Variants in CDH8 observed in about 807,000 individuals in gnomAD.
The protein encoded by CDH8 is cadherin 8.
CDH8 carries 17 observed loss-of-function variants against 68.1 expected under a neutral mutation model. The observed-to-expected ratio is 0.25, with a 90% CI of 0.17 to 0.37. CDH8 has a LOEUF of 0.37. CDH8 is among the 10% of genes least tolerant of loss of function. CDH8 has a pLI of 1.00. For missense variants in CDH8, 763 were observed against 999.3 expected (o/e 0.76, Z 3.19); for synonymous variants, 372 against 365.1 (o/e 1.02, Z -0.21).
At chr16:61,846,610 C>T (rs909851817) in intron 4 of CDH8, among the ~76,000 whole-genome samples, 18 of 152,086 alleles carry the variant, frequency 1.2e-4, no homozygotes, top group African/African-American at 4.1e-4. Context: ...GTCAGAAAAC[C>T]GAGCTCTGGA....
At chr16:61,842,362 G>T (rs1174530173) in intron 4 of CDH8, among the ~76,000 whole-genome samples, 3 of 152,008 alleles carry the variant, frequency 2.0e-5, no homozygotes, top group African/African-American at 7.2e-5. Context: ...CACAGGAATT[G>T]GTTGTTTATA....
chr16:61,996,538 A>G (rs746188583), intron 2 of CDH8, among the ~76,000 whole-genome samples: 3 of 152,194 alleles, frequency 2.0e-5, no homozygotes, highest in Non-Finnish European at 2.9e-5. Context: ...CCATAAAGCT[A>G]CGGCAGCTTT....
chr16:61,851,167 G>T (rs1962929838), intron 4 of CDH8, among the ~76,000 whole-genome samples: 1 of 151,920 alleles, frequency 6.6e-6, no homozygotes, highest in Admixed American at 6.6e-5. Context: ...GGCATAAAAA[G>T]GACTCAATTC....
At chr16:61,722,196 G>A (rs552019759) in intron 9 of CDH8, among the ~76,000 whole-genome samples, 1 of 150,640 alleles carries the variant, frequency 6.6e-6, no homozygotes, top group Non-Finnish European at 1.5e-5. Flanking sequence ...GTCCATTCAG[G>A]ATATTTGCAC....
rs1405250382 is a variant in CDH8, at chr16:62,021,293, A to C, written c.111T>G (p.Val37=). The change falls in exon 2 of 12, where the codon GTT becomes GTG. Residue 37 remains valine (V), a synonymous_variant. Transcript: ENST00000577390. ...GTTCCAAAGGGGATCCACTCATTAAAACTTGAGACTGATTCATCGGAGCCA... is the reference window on the plus strand; with the variant it reads ...GTTCCAAAGGGGATCCACTCATTAACACTTGAGACTGATTCATCGGAGCCA... ...IYMAPMNQSQ[V]LMSGSPLELN... is the part of the protein sequence containing the mutation. 3 of 1,613,934 alleles carry C rather than the reference A, an allele frequency of 1.9e-6. No homozygotes were observed. The highest frequency in any genetic ancestry group is 2.5e-6 in the Non-Finnish European group (3 of 1,179,954).
chr16:61,714,099 T>A lies in CDH8; in HGVS notation c.1537-141A>T, dbSNP rs1348596915. ...CAGCTTTCTAAATTGTCATGGATGG[T>A]TTGTGCCAAGAATAAGGAGAAAAAT... is the stretch of plus-strand genomic sequence containing the variant. On this transcript the variant is annotated intron_variant, in intron 9 of 11. Coordinates refer to ENST00000577390, the MANE Select transcript of CDH8 (RefSeq NM_001796.5). 3 of 683,340 alleles carry A rather than the reference T, an allele frequency of 4.4e-6. No individual in the cohort carries two copies. In the South Asian group the frequency reaches 4.9e-5, roughly 11 times the overall value. 42.3% of individuals were successfully genotyped at this position (683,340 alleles called of 1,614,324 possible).
chr16:61,702,367 G>A (rs1009448777), intron 10 of CDH8, among the ~76,000 whole-genome samples: 20 of 148,340 alleles, frequency 1.3e-4, no homozygotes, highest in African/African-American at 3.0e-4. Context: ...GCGAGACTCC[G>A]TCTCAAAAAA....
At chr16:61,887,333 T>C (rs987632467) in intron 3 of CDH8, among the ~76,000 whole-genome samples, 1 of 152,202 alleles carries the variant, frequency 6.6e-6, no homozygotes, top group African/African-American at 2.4e-5. Context: ...TTATTCTTTA[T>C]AGCAGTGTGA....
chr16:61,653,682 G>C lies in CDH8; in HGVS notation c.2326C>G (p.Leu776Val). The C allele has an allele frequency of 6.2e-7, 1 of 1,614,190 alleles. No individual in the cohort carries two copies. ...TTAAAGCGGGGACCCCAGTCACTGA[G>C]GTAGTCAAAATTCTGGTCTGAGTCT... ...TSDSDQNFDY[L>V]SDWGPRFKRL... The change falls in exon 12 of 12, where the codon CTC (leucine) becomes GTC (valine). Residue 776 changes from leucine to valine, a missense_variant. By Grantham distance (32) the Leu-to-Val change is conservative. This residue lies in a region of CDH8 where 397 missense variants were observed against 436.2 expected (regional missense o/e 0.91). Coordinates refer to ENST00000577390, the MANE Select transcript of CDH8 (RefSeq NM_001796.5).
At chr16:61,729,243 T>A (rs770752974) in intron 8 of CDH8, among the ~76,000 whole-genome samples, 18 of 150,618 alleles carry the variant, frequency 1.2e-4, no homozygotes, top group Non-Finnish European at 2.5e-4. Context: ...ATTTTCATAG[T>A]ATAATACTGA....
chr16:61,910,883 G>C (rs1964149546), intron 2 of CDH8, among the ~76,000 whole-genome samples: 1 of 152,030 alleles, frequency 6.6e-6, no homozygotes, highest in African/African-American at 2.4e-5. Flanking sequence ...TAAATTATCT[G>C]GATACAATCT....
intron 4 of CDH8, among the ~76,000 whole-genome samples, chr16:61,849,144 C>G (rs1962884931): frequency 6.6e-6 from 1 of 152,038 alleles, no homozygotes; most frequent in African/African-American, 2.4e-5. Context: ...AGGCAAGTGT[C>G]TTTCTCCATA....
chr16:61,935,064 T>C (rs934602670), intron 2 of CDH8, among the ~76,000 whole-genome samples: 3 of 152,164 alleles, frequency 2.0e-5, no homozygotes, highest in African/African-American at 7.2e-5. Flanking sequence ...ATGAGGCCTT[T>C]ATATAAGAGA....
intron 9 of CDH8, among the ~76,000 whole-genome samples, chr16:61,722,250 T>C (rs1005870940): frequency 6.6e-6 from 1 of 150,764 alleles, no homozygotes; most frequent in Non-Finnish European, 1.5e-5. Context: ...TGCCCAGCTC[T>C]TTCTCATTTT....
At chr16:61,777,590 T>C (rs1041554769) in intron 8 of CDH8, among the ~76,000 whole-genome samples, 5 of 152,116 alleles carry the variant, frequency 3.3e-5, no homozygotes, top group African/African-American at 1.2e-4. Context: ...GTGTTCTTTC[T>C]TAGACTGGAA....
intron 2 of CDH8, among the ~76,000 whole-genome samples, chr16:61,951,356 A>C (rs956499555): frequency 1.3e-5 from 2 of 151,594 alleles, no homozygotes; most frequent in African/African-American, 4.8e-5. Context: ...CTAAAAATAC[A>C]AAAAAAATTA....
At chr16:61,718,931 A>T (rs939903404) in intron 9 of CDH8, among the ~76,000 whole-genome samples, 20 of 151,168 alleles carry the variant, frequency 1.3e-4, no homozygotes, top group Middle Eastern at 3.4e-3. Flanking sequence ...AGGGGGGAAT[A>T]TAGGTAAATA....
At chr16:61,992,341 A>G (rs977455154) in intron 2 of CDH8, among the ~76,000 whole-genome samples, 6 of 150,268 alleles carry the variant, frequency 4.0e-5, no homozygotes, top group African/African-American at 1.5e-4. Flanking sequence ...TGTTGCAAGG[A>G]CAAAAAACCA....
chr16:61,724,771 G>A (rs899639402), intron 9 of CDH8, among the ~76,000 whole-genome samples: 3 of 150,934 alleles, frequency 2.0e-5, no homozygotes, highest in Non-Finnish European at 4.5e-5. Flanking sequence ...TCCATAGTGA[G>A]TCAGTCATTT....
Sources: gnomAD v4.1 joint callset for allele counts (sites outside exome capture counted in the v4.1 genomes callset) on GRCh38, gnomAD v4.1.1 for gene constraint, gnomAD v4.1.1 regional missense constraint, MANE v1.5 for transcripts, NCBI Gene and HGNC (gene_info 2026-07-23, HGNC 2026-07-21) for gene names.